Variants in CREB5 observed in about 807,000 individuals in gnomAD.
The protein encoded by CREB5 is cyclic AMP-responsive element-binding protein 5.
A neutral mutation model predicts 57.1 loss-of-function variants in CREB5; 19 were observed. The ratio of observed to expected loss-of-function variants is 0.33; its 90% CI spans 0.23 to 0.49. The LOEUF is 0.49. Ranked by LOEUF, CREB5 falls within the 20% of genes least tolerant of loss-of-function variation. The probability of loss-of-function intolerance (pLI) is 0.99; values close to 1 mark genes in which losing one functional copy is unlikely to be tolerated. For synonymous variants in CREB5, 238 were observed against 238.3 expected (o/e 1.00, Z 0.01); for missense variants, 579 against 671.6 (o/e 0.86, Z 1.52).
At chr7:28,521,869 T>C (rs1242699326) in intron 4 of CREB5, among the ~76,000 whole-genome samples, 3 of 152,240 alleles carry the variant, frequency 2.0e-5, no homozygotes, top group African/African-American at 7.2e-5. Context: ...ATATGACTTC[T>C]AGTCTTTCCA....
At chr7:28,543,813 C>T (rs933014210) in intron 4 of CREB5, among the ~76,000 whole-genome samples, 2 of 151,708 alleles carry the variant, frequency 1.3e-5, no homozygotes, top group Non-Finnish European at 2.9e-5. Flanking sequence ...GGAGTCCACA[C>T]GGGGAGTGGG....
chr7:28,305,950 C>T (rs1438252852), intron 1 of CREB5, among the ~76,000 whole-genome samples: 1 of 151,896 alleles, frequency 6.6e-6, no homozygotes, highest in Non-Finnish European at 1.5e-5. Context: ...TGCATTTACA[C>T]ATATGTGTAT....
At chr7:28,450,398 T>C (rs1789739352) in intron 1 of CREB5, among the ~76,000 whole-genome samples, 1 of 152,250 alleles carries the variant, frequency 6.6e-6, no homozygotes, top group South Asian at 2.1e-4. Context: ...GCGTGATACC[T>C]GCTGTTCTAA....
chr7:28,302,347 A>G (rs1785109814), intron 1 of CREB5, among the ~76,000 whole-genome samples: 1 of 152,232 alleles, frequency 6.6e-6, no homozygotes, highest in Admixed American at 6.5e-5. Flanking sequence ...AGTGAATATT[A>G]CATGTTAAAA....
At chr7:28,634,569 A>G (rs1231135185) in intron 5 of CREB5, among the ~76,000 whole-genome samples, 2 of 152,146 alleles carry the variant, frequency 1.3e-5, no homozygotes, top group African/African-American at 2.4e-5. Flanking sequence ...GAGCCTTACA[A>G]GCCCTCCCCT....
At chr7:28,614,071 C>T (rs935895015) in intron 5 of CREB5, among the ~76,000 whole-genome samples, 1 of 152,164 alleles carries the variant, frequency 6.6e-6, no homozygotes, top group Non-Finnish European at 1.5e-5. Flanking sequence ...GAGATCCTCT[C>T]ACCTCAGCCT....
intron 7 of CREB5, among the ~76,000 whole-genome samples, chr7:28,735,148 G>T (rs10156185): frequency 0.14 from 21,436 of 151,428 alleles, 1,628 homozygotes; most frequent in Non-Finnish European, 0.16. Context: ...TTGTTTGTTT[G>T]GTATTACTTT....
chr7:28,736,313 G>C (rs946664330), intron 7 of CREB5, among the ~76,000 whole-genome samples: 2 of 152,044 alleles, frequency 1.3e-5, no homozygotes, highest in Non-Finnish European at 2.9e-5. Context: ...GGGATTACAG[G>C]CATGCACCAC....
At chr7:28,477,594 G>T (rs1003790545) in intron 1 of CREB5, among the ~76,000 whole-genome samples, 2 of 152,224 alleles carry the variant, frequency 1.3e-5, no homozygotes, top group African/African-American at 2.4e-5. Context: ...AAGGCCCTGC[G>T]TTTGTTTATT....
intron 4 of CREB5, among the ~76,000 whole-genome samples, chr7:28,512,671 G>A (rs184047143): frequency 6.6e-6 from 1 of 151,786 alleles, no homozygotes; most frequent in African/African-American, 2.4e-5. Flanking sequence ...GTGTGTGTAT[G>A]TGTGTGTGTG....
chr7:28,588,761 G>A (rs1483862105), intron 5 of CREB5, among the ~76,000 whole-genome samples: 5 of 152,084 alleles, frequency 3.3e-5, no homozygotes, highest in Non-Finnish European at 7.4e-5. Context: ...TTGAAATCTG[G>A]CATCTTCTCC....
intron 3 of CREB5, among the ~76,000 whole-genome samples, chr7:28,507,242 T>A (rs1792516497): frequency 6.6e-6 from 1 of 152,180 alleles, no homozygotes. Context: ...TTTTTGGCCT[T>A]ATTTTAGCAA....
intron 1 of CREB5, among the ~76,000 whole-genome samples, chr7:28,326,902 G>A (rs35028085): frequency 0.42 from 64,392 of 151,812 alleles, 14,231 homozygotes; most frequent in African/African-American, 0.51. Context: ...CAGCACTTTG[G>A]CAGGTAGGTC....
At chr7:28,377,392 T>G (rs948130133) in intron 1 of CREB5, among the ~76,000 whole-genome samples, 1 of 152,038 alleles carries the variant, frequency 6.6e-6, no homozygotes, top group Non-Finnish European at 1.5e-5. Flanking sequence ...ATATAATATA[T>G]TATTAAAATT....
intron 1 of CREB5, among the ~76,000 whole-genome samples, chr7:28,312,676 A>C (rs1049656429): frequency 1.3e-4 from 20 of 152,226 alleles, no homozygotes; most frequent in African/African-American, 4.3e-4. Flanking sequence ...ACTAAATGAG[A>C]TAATTAACGT....
intron 1 of CREB5, among the ~76,000 whole-genome samples, chr7:28,417,862 A>T (rs1788087970): frequency 5.9e-5 from 9 of 152,270 alleles, no homozygotes. Flanking sequence ...TGAATAACTT[A>T]GACAATAATT....
intron 1 of CREB5, among the ~76,000 whole-genome samples, chr7:28,346,698 C>T (rs1324280003): frequency 1.3e-5 from 2 of 152,184 alleles, no homozygotes; most frequent in Admixed American, 1.3e-4. Context: ...TTGGGCCAGA[C>T]ACTTTTCTTC....
At chr7:28,658,953 G>GTGTGTATATA (rs1400561698) in intron 5 of CREB5, among the ~76,000 whole-genome samples, 29 of 99,604 alleles carry the variant, frequency 2.9e-4, no homozygotes, top group African/African-American at 8.9e-4. Context: ...GTGTGTGTGT[G>GTGTGTATATA]TATATATATA....
chr7:28,688,672 G>C (rs1401526285), intron 5 of CREB5, among the ~76,000 whole-genome samples: 2 of 152,184 alleles, frequency 1.3e-5, no homozygotes, highest in Admixed American at 1.3e-4. Flanking sequence ...TTATTGTAAA[G>C]TATGTAGTTA....
Sources: gnomAD v4.1 joint callset for allele counts (sites outside exome capture counted in the v4.1 genomes callset) on GRCh38, gnomAD v4.1.1 for gene constraint, MANE v1.5 for transcripts, NCBI Gene and HGNC (gene_info 2026-07-23, HGNC 2026-07-21) for gene names.